The following DAZAP1 variants were observed in gnomAD, a reference collection of about 807,000 sequenced individuals.
The protein encoded by DAZAP1 is DAZ-associated protein 1.
DAZAP1 carries 6 observed loss-of-function variants against 60.1 expected under a neutral mutation model. The ratio of observed to expected loss-of-function variants is 0.10; its 90% CI spans 0.05 to 0.20. The LOEUF (loss-of-function observed/expected upper bound fraction) is 0.20. Among genes scored for constraint, DAZAP1 ranks in the 10% least tolerant of loss-of-function variants. DAZAP1 has a pLI of 1.00. For missense variants in DAZAP1, 366 were observed against 560.4 expected, an observed-to-expected ratio of 0.65 and a Z score of 3.50; for synonymous variants, 235 against 215.9, an observed-to-expected ratio of 1.09 and a Z score of -0.78.
At position 1,426,670 on chromosome 19, in the gene DAZAP1, G is replaced by C. The variant is rs2083311676; in HGVS notation, c.546+710G>C. On this transcript the variant is annotated intron_variant, in intron 7 of 11. Transcript: ENST00000233078. This position sits in a 1 kb window ranked among gnomAD's most constrained non-coding sequence, Gnocchi z 5.4. ...GACCCTTGGAGGTTCTTGAGAAGTG[G>C]ACTCTGAAATAAATAACTGGTAGAA... 6.6e-6 allele frequency: 1 copy of C among 152,218 alleles called. No individual in the cohort carries two copies. Among genetic ancestry groups the C allele is most frequent in the South Asian group, 2.1e-4 (1 of 4,826 alleles). The allele number at this position is 152,218 out of a possible 1,614,324, so 9.4% of individuals were successfully genotyped here.
Position 1,423,356 on chromosome 19 carries a change from T to C in DAZAP1, c.463+960T>C, listed in dbSNP as rs981273218. ...AGTGTTTCATAGTAAAGTACAGTGA[T>C]GTTAAGTAAGCTGTTTTTCCTTTTC... On this transcript the variant is annotated intron_variant, in intron 6 of 11. Coordinates refer to ENST00000233078, the MANE Select transcript of DAZAP1 (RefSeq NM_018959.4). This position sits in a 1 kb window ranked among gnomAD's most constrained non-coding sequence, Gnocchi z 6.8. 3.9e-5 allele frequency among the ~76,000 whole-genome samples: 6 copies of C among 152,394 alleles called. No homozygotes were observed. The highest frequency in any genetic ancestry group is 4.1e-4 in the South Asian group (2 of 4,832).
intron 7 of DAZAP1, chr19:1,427,730 C>G (rs950685617): frequency 6.6e-6 from 1 of 152,256 alleles, no homozygotes; most frequent in Non-Finnish European, 1.5e-5. Flanking sequence ...CTTGAGCTAA[C>G]GGATCCTGTT....
chr19:1,432,754 C>G lies in DAZAP1; in HGVS notation c.1048+64C>G, dbSNP rs767980849. On this transcript the variant is annotated intron_variant, in intron 11 of 11. Transcript: ENST00000233078. This position sits in a 1 kb window ranked among gnomAD's most constrained non-coding sequence, Gnocchi z 4.9. ...CAGGACCCTGGGCACGGCCTGCCTT[C>G]TTCTGCTTCCTCCCCTGCTGGACGC... is the stretch of plus-strand genomic sequence containing the variant. 4.1e-5 allele frequency: 62 copies of G among 1,496,586 alleles called. No individual in the cohort carries two copies. Among genetic ancestry groups the G allele is most frequent in the Non-Finnish European group, 5.2e-5 (58 of 1,109,114 alleles). The allele number at this position is 1,496,586 out of a possible 1,614,324, so 92.7% of individuals were successfully genotyped here.
chr19:1,407,766 C>A lies in DAZAP1; in HGVS notation c.-8C>A. Reference sequence around the variant, plus strand: ...CCGGGAGCGCCGAGCGTCGCCGCCGCCGCCGCCATGAACAACTCGGGCGCC... The same window carrying A: ...CCGGGAGCGCCGAGCGTCGCCGCCGACGCCGCCATGAACAACTCGGGCGCC... On this transcript the variant is annotated 5_prime_UTR_variant, in exon 1 of 12. Coordinates refer to ENST00000233078, the MANE Select transcript of DAZAP1 (RefSeq NM_018959.4). The A allele has an allele frequency of 9.2e-7, 1 of 1,092,426 alleles. No homozygotes were observed. Among genetic ancestry groups the A allele is most frequent in the Non-Finnish European group, 1.1e-6 (1 of 899,828 alleles). 67.7% of individuals were successfully genotyped at this position (1,092,426 alleles called of 1,614,324 possible).
chr19:1,409,587 C>T (rs2082765877), intron 1 of DAZAP1, among the ~76,000 whole-genome samples: 1 of 152,264 alleles, frequency 6.6e-6, no homozygotes, highest in Non-Finnish European at 1.5e-5. Context: ...AGTCAGACTC[C>T]TTGGGCAAGA....
At chr19:1,417,346 G>A (rs555235570) in intron 1 of DAZAP1, 154 bp from the exon 2 acceptor site, 2 of 801,336 alleles carry the variant, frequency 2.5e-6, no homozygotes, top group Admixed American at 2.4e-5. Flanking sequence ...AGGCTGACTC[G>A]CCATTGCTGT....
Position 1,422,824 on chromosome 19 carries a change from C to G in DAZAP1, c.463+428C>G, listed in dbSNP as rs2083196981. ...GTGATCCATCCCATGCTTTTTTTTT[C>G]TTTCTTTCTTTTTTCCTTTTCTTTT... is the stretch of plus-strand genomic sequence containing the variant. On this transcript the variant is annotated intron_variant, in intron 6 of 11. Transcript: ENST00000233078. The surrounding 1 kb of genome is among the most constrained non-coding windows in gnomAD (Gnocchi z 4.5). 6.7e-6 allele frequency among the ~76,000 whole-genome samples: 1 copy of G among 149,560 alleles called. No homozygotes were observed. The highest frequency in any genetic ancestry group is 6.6e-5 in the Admixed American group (1 of 15,054).
In DAZAP1 at chr19:1,422,650, C is replaced by T. The variant is rs962906756; in HGVS notation, c.463+254C>T. On this transcript the variant is annotated intron_variant, in intron 6 of 11. Transcript: ENST00000233078. The surrounding 1 kb of genome is among the most constrained non-coding windows in gnomAD (Gnocchi z 4.5). ...AGTTTTTACGACTTGTCATGAGTCT[C>T]GGCCTGGCTTCTGTTTTTCACTGTC... Among the ~76,000 whole-genome samples the T allele has an allele frequency of 2.0e-5, 3 of 152,112 alleles. No individual in the cohort carries two copies. Among genetic ancestry groups the T allele is most frequent in the Admixed American group, 6.5e-5 (1 of 15,276 alleles).
Position 1,434,695 on chromosome 19 carries a change from C to T in DAZAP1, c.1049-42C>T, listed in dbSNP as rs376175562. Reference sequence around the variant, plus strand: ...GGCCTCGCTCGACGGCAGTGCCAACCGCCCAGGGACCGCCCCGAGCTCACA... The same window carrying T: ...GGCCTCGCTCGACGGCAGTGCCAACTGCCCAGGGACCGCCCCGAGCTCACA... On this transcript the variant is annotated intron_variant, in intron 11 of 11. Transcript: ENST00000233078. This position sits in a 1 kb window ranked among gnomAD's most constrained non-coding sequence, Gnocchi z 8.0. The T allele has an allele frequency of 3.2e-5, 52 of 1,601,894 alleles. No homozygotes were observed. The highest frequency in any genetic ancestry group is 6.6e-5 in the South Asian group (6 of 90,302).
intron 1 of DAZAP1, among the ~76,000 whole-genome samples, chr19:1,414,304 C>CAGTG (rs2082912181): frequency 6.6e-6 from 1 of 152,074 alleles, no homozygotes; most frequent in African/African-American, 2.4e-5. Context: ...AGGCGTGAGC[C>CAGTG]AGTGCACCCA....
rs58556278 is a variant in DAZAP1, at chr19:1,422,845, C to CTTTTCT, written c.463+460_463+465dup. Among the ~76,000 whole-genome samples the CTTTTCT allele has an allele frequency of 0.28, 42,385 of 148,792 alleles. 11,258 individuals are homozygous for CTTTTCT. Among genetic ancestry groups the CTTTTCT allele is most frequent in the African/African-American group, 0.7 (27,809 of 39,690 alleles). ...TTTTCTTTCTTTCTTTTTTCCTTTT[C>CTTTTCT]TTTTCTTTTTCTTTTTTTTCAGTTT... On this transcript the variant is annotated intron_variant, in intron 6 of 11. Coordinates refer to ENST00000233078, the MANE Select transcript of DAZAP1 (RefSeq NM_018959.4). The surrounding 1 kb of genome is among the most constrained non-coding windows in gnomAD (Gnocchi z 4.5).
At position 1,422,427 on chromosome 19, in the gene DAZAP1, T is replaced by C; in HGVS notation, c.463+31T>C. On this transcript the variant is annotated intron_variant, in intron 6 of 11. Coordinates refer to ENST00000233078, the MANE Select transcript of DAZAP1 (RefSeq NM_018959.4). The surrounding 1 kb of genome is among the most constrained non-coding windows in gnomAD (Gnocchi z 4.5). ...GGCAGATCTAGTTTGACCTCGGCCTTCTCCCTGCTCCTCCCTCAGATGGCA... is the reference window on the plus strand; with the variant it reads ...GGCAGATCTAGTTTGACCTCGGCCTCCTCCCTGCTCCTCCCTCAGATGGCA... 6.2e-7 allele frequency: 1 copy of C among 1,607,230 alleles called. No individual in the cohort carries two copies.
chr19:1,411,795 C>T (rs1179177075), intron 1 of DAZAP1, among the ~76,000 whole-genome samples: 1 of 152,238 alleles, frequency 6.6e-6, no homozygotes, highest in Non-Finnish European at 1.5e-5. Flanking sequence ...GTCCACACTC[C>T]TCCACTGCCC....
chr19:1,427,369 T>C (rs3786984), intron 7 of DAZAP1: 7,258 of 152,332 alleles, frequency 0.048, 459 homozygotes, highest in East Asian at 0.26. Context: ...CTGGGCGACC[T>C]CAGTGTGGGT....
rs2083198836 is a variant in DAZAP1 at position 1,422,849 on chromosome 19, T to TCTTTTC, written c.463+458_463+459insCCTTTT. Among the ~76,000 whole-genome samples the TCTTTTC allele has an allele frequency of 6.6e-6, 1 of 151,410 alleles. No individual in the cohort carries two copies. The highest frequency in any genetic ancestry group is 2.5e-5 in the African/African-American group (1 of 40,766). On this transcript the variant is annotated intron_variant, in intron 6 of 11. Coordinates refer to ENST00000233078, the MANE Select transcript of DAZAP1 (RefSeq NM_018959.4). This position sits in a 1 kb window ranked among gnomAD's most constrained non-coding sequence, Gnocchi z 4.5. ...CTTTCTTTCTTTTTTCCTTTTCTTT[T>TCTTTTC]CTTTTTCTTTTTTTTCAGTTTTCTC...
Position 1,423,184 on chromosome 19 carries a change from G to T in DAZAP1, c.463+788G>T, listed in dbSNP as rs1416421733. Among the ~76,000 whole-genome samples the T allele has an allele frequency of 6.6e-6, 1 of 152,242 alleles. No individual in the cohort carries two copies. The highest frequency in any genetic ancestry group is 1.5e-5 in the Non-Finnish European group (1 of 68,038). On this transcript the variant is annotated intron_variant, in intron 6 of 11. Transcript: ENST00000233078. This position sits in a 1 kb window ranked among gnomAD's most constrained non-coding sequence, Gnocchi z 6.8. ...TCGGGGCAGCCCCGAGCGCCAGGTG[G>T]CGCCGCAGCATGCCCACCATGCTGG... is the stretch of plus-strand genomic sequence containing the variant.
chr19:1,413,002 G>A (rs982204024), intron 1 of DAZAP1, among the ~76,000 whole-genome samples: 3 of 152,182 alleles, frequency 2.0e-5, no homozygotes, highest in African/African-American at 2.4e-5. Context: ...TTCCAGTGTC[G>A]GAGATGCCGT....
At chr19:1,431,406 A>G (rs1178726335) in intron 10 of DAZAP1, among the ~76,000 whole-genome samples, 2 of 151,780 alleles carry the variant, frequency 1.3e-5, no homozygotes, top group African/African-American at 2.4e-5. Context: ...TGGGATTAGA[A>G]GCGTGAGCCA....
At chr19:1,410,151 C>T (rs1326242766) in intron 1 of DAZAP1, 2 of 152,258 alleles carry the variant, frequency 1.3e-5, no homozygotes, top group East Asian at 3.9e-4. Flanking sequence ...TTTTGAGGGT[C>T]CCTGTGCTGG....
Sources: allele counts gnomAD v4.1 joint callset (sites outside exome capture counted in the v4.1 genomes callset), GRCh38; gene constraint gnomAD v4.1.1; non-coding constraint Gnocchi (gnomAD v3.1); transcripts MANE v1.5; gene names NCBI Gene and HGNC (gene_info 2026-07-23, HGNC 2026-07-21).